The following FYN variants were observed in gnomAD, a reference collection of about 807,000 sequenced individuals.
FYN encodes the protein FYN proto-oncogene, Src family tyrosine kinase.
In FYN, 10 loss-of-function variants were observed where a neutral mutation model predicts 70.2. The ratio of observed to expected loss-of-function variants is 0.14; its 90% CI spans 0.09 to 0.24. The LOEUF (loss-of-function observed/expected upper bound fraction) is 0.24. Ranked by LOEUF, FYN falls within the 10% of genes least tolerant of loss-of-function variation. The probability of loss-of-function intolerance (pLI) is 1.00; values close to 1 mark genes in which losing one functional copy is unlikely to be tolerated. For missense variants in FYN, 319 were observed against 673.1 expected (o/e 0.47, Z 5.82); for synonymous variants, 236 against 248.6 (o/e 0.95, Z 0.48).
intron 6 of FYN, 55 bp downstream of exon 6, chr6:111,707,867 T>G: frequency 7.4e-7 from 1 of 1,351,560 alleles, no homozygotes. Flanking sequence ...GGCATTTTAT[T>G]GCGGCAATCA....
At chr6:111,808,340 G>A (rs1019311183) in intron 2 of FYN, among the ~76,000 whole-genome samples, 7 of 152,196 alleles carry the variant, frequency 4.6e-5, no homozygotes, top group Non-Finnish European at 8.8e-5. Flanking sequence ...GGCTAGTATT[G>A]AGGGGGAAAC....
At chr6:111,774,781 T>A (rs1031909443) in intron 3 of FYN, among the ~76,000 whole-genome samples, 5 of 152,048 alleles carry the variant, frequency 3.3e-5, no homozygotes, top group Non-Finnish European at 7.4e-5. Flanking sequence ...TGCAGTGACG[T>A]GATCTCGCCT....
chr6:111,817,432 T>C (rs1156240997), intron 2 of FYN, among the ~76,000 whole-genome samples: 2 of 152,196 alleles, frequency 1.3e-5, no homozygotes, highest in African/African-American at 4.8e-5. Flanking sequence ...GTTACTCCTA[T>C]AATATGGCCA....
intron 12 of FYN, among the ~76,000 whole-genome samples, chr6:111,679,389 G>A (rs1365957539): frequency 1.3e-5 from 2 of 152,164 alleles, no homozygotes; most frequent in African/African-American, 4.8e-5. Flanking sequence ...GGCAATGAAT[G>A]CATGAATTGT....
At chr6:111,668,017 G>C (rs963592946) in intron 13 of FYN, among the ~76,000 whole-genome samples, 11 of 152,246 alleles carry the variant, frequency 7.2e-5, no homozygotes, top group African/African-American at 2.4e-4. Flanking sequence ...ACAACGTTGT[G>C]CATAAGGCCT....
intron 12 of FYN, among the ~76,000 whole-genome samples, chr6:111,688,144 A>G (rs1004287813): frequency 6.6e-6 from 1 of 152,220 alleles, no homozygotes; most frequent in African/African-American, 2.4e-5. Flanking sequence ...TGTCTTCTTG[A>G]ATTCTTACAA....
intron 12 of FYN, among the ~76,000 whole-genome samples, chr6:111,688,034 A>C (rs1308409981): frequency 2.0e-5 from 3 of 152,198 alleles, no homozygotes; most frequent in Non-Finnish European, 4.4e-5. Context: ...AAAAAACCCA[A>C]AAAACAAAAA....
chr6:111,770,841 A>T (rs1438356307), intron 3 of FYN, among the ~76,000 whole-genome samples: 1 of 151,864 alleles, frequency 6.6e-6, no homozygotes, highest in Non-Finnish European at 1.5e-5. Flanking sequence ...GAGCATGAGA[A>T]CTCTCTATCG....
chr6:111,796,160 G>A (rs1306713601), intron 2 of FYN, among the ~76,000 whole-genome samples: 1 of 152,148 alleles, frequency 6.6e-6, no homozygotes, highest in Non-Finnish European at 1.5e-5. Context: ...ACCTTCATTA[G>A]TCTGACGTTT....
chr6:111,851,508 T>C (rs539624305), intron 1 of FYN, among the ~76,000 whole-genome samples: 3 of 152,246 alleles, frequency 2.0e-5, no homozygotes, highest in Admixed American at 2.0e-4. Flanking sequence ...ATAAGAACAG[T>C]GTACCTAGAA....
At chr6:111,739,877 C>G (rs1648120147) in intron 3 of FYN, among the ~76,000 whole-genome samples, 1 of 152,112 alleles carries the variant, frequency 6.6e-6, no homozygotes, top group Admixed American at 6.5e-5. Flanking sequence ...AGGCTGGAAC[C>G]CAAAGGTGCA....
At chr6:111,733,144 T>C (rs1237121333) in intron 3 of FYN, among the ~76,000 whole-genome samples, 1 of 152,110 alleles carries the variant, frequency 6.6e-6, no homozygotes, top group East Asian at 1.9e-4. Context: ...ACAGTTAAAC[T>C]TGAATTAAGG....
intron 2 of FYN, among the ~76,000 whole-genome samples, chr6:111,841,769 G>A (rs1212966113): frequency 1.3e-5 from 2 of 151,778 alleles, no homozygotes; most frequent in African/African-American, 4.8e-5. Context: ...AGAATGTCTA[G>A]GAAGAGGGAT....
At chr6:111,734,109 C>G (rs906368952) in intron 3 of FYN, among the ~76,000 whole-genome samples, 3 of 152,164 alleles carry the variant, frequency 2.0e-5, no homozygotes, top group Admixed American at 1.3e-4. Flanking sequence ...AACAAACAAA[C>G]AAACAAACAA....
At chr6:111,811,373 A>T (rs1053861665) in intron 2 of FYN, among the ~76,000 whole-genome samples, 2 of 152,238 alleles carry the variant, frequency 1.3e-5, no homozygotes, top group Admixed American at 1.3e-4. Flanking sequence ...GTATGTGTAC[A>T]GTATAAGGAT....
At chr6:111,857,246 C>A (rs1377511930) in intron 1 of FYN, among the ~76,000 whole-genome samples, 1 of 152,182 alleles carries the variant, frequency 6.6e-6, no homozygotes, top group East Asian at 1.9e-4. Flanking sequence ...AGTAAAAATT[C>A]TCCTCTAATC....
In FYN at chr6:111,771,949, G is replaced by A. The variant is rs545817065; in HGVS notation, c.-12+8617C>T. Among the ~76,000 whole-genome samples, 46 of 152,034 alleles carry A rather than the reference G, an allele frequency of 3.0e-4. 1 individual carries two copies. The highest frequency in any genetic ancestry group is 1.1e-3 in the African/African-American group (46 of 41,464). The stretch of plus-strand genomic sequence containing the variant: ...GTAGTAGTGGGGGCAGGGATGGGGG[G>A]CATGGCCAGAAGGGATGAGAGGGAA... On this transcript the variant is annotated intron_variant, in intron 3 of 13. Coordinates refer to ENST00000354650, the MANE Select transcript of FYN (RefSeq NM_002037.5).
In FYN at chr6:111,694,343, T is replaced by G. The variant is rs1228366308; in HGVS notation, c.1273+32A>C. The G allele has an allele frequency of 1.2e-6, 2 of 1,612,784 alleles. No individual in the cohort carries two copies. The highest frequency in any genetic ancestry group is 1.7e-6 in the Non-Finnish European group (2 of 1,178,992). On this transcript the variant is annotated intron_variant, in intron 12 of 13. Transcript: ENST00000354650. The surrounding 1 kb of genome is among the most constrained non-coding windows in gnomAD (Gnocchi z 5.0). ...CAGTAAGTGACTGTTCTCACAGCTG[T>G]GATCACGAGCCATTGTCATTCAAGT...
chr6:111,722,539 C>A (rs574835147), intron 3 of FYN, among the ~76,000 whole-genome samples: 3 of 152,070 alleles, frequency 2.0e-5, no homozygotes, highest in Non-Finnish European at 4.4e-5. Flanking sequence ...GATGTTTTTT[C>A]TTTTTTTCCA....
Sources: gnomAD v4.1 joint callset for allele counts (sites outside exome capture counted in the v4.1 genomes callset) on GRCh38, gnomAD v4.1.1 for gene constraint, Gnocchi (gnomAD v3.1) non-coding constraint, MANE v1.5 for transcripts, NCBI Gene and HGNC (gene_info 2026-07-23, HGNC 2026-07-21) for gene names.